CYP11A1: variants seen among roughly 807,000 people sequenced by gnomAD.
CYP11A1 encodes the protein cholesterol side-chain cleavage enzyme, mitochondrial.
CYP11A1 carries 25 observed loss-of-function variants against 51.9 expected under a neutral mutation model. The observed-to-expected ratio is 0.48, with a 90% confidence interval of 0.35 to 0.67. The LOEUF is 0.67. Ranked by LOEUF, CYP11A1 falls within the 30% of genes least tolerant of loss-of-function variation. The pLI is 0.00. For missense variants in CYP11A1, 578 were observed against 680.9 expected, an observed-to-expected ratio of 0.85 and a Z score of 1.68; for synonymous variants, 245 against 262.1, an observed-to-expected ratio of 0.93 and a Z score of 0.63.
At chr15:74,342,067 C>T (rs1424863683) in intron 5 of CYP11A1, among the ~76,000 whole-genome samples, 1 of 152,186 alleles carries the variant, frequency 6.6e-6, no homozygotes, top group Non-Finnish European at 1.5e-5. Flanking sequence ...CTCTGAGCCA[C>T]GTGAGGACAT....
At chr15:74,365,967 G>A (rs1249581949) in intron 1 of CYP11A1, 3 of 831,424 alleles carry the variant, frequency 3.6e-6, no homozygotes, top group South Asian at 1.2e-4. Flanking sequence ...GAGTGACTGG[G>A]ACCTAGGACC....
chr15:74,367,339 G>T lies in CYP11A1; in HGVS notation c.247C>A (p.Gln83Lys). Residue 83 changes from glutamine to lysine, a missense_variant, in exon 1 of 9, where the codon CAG becomes AAG. Gln to Lys is a moderately conservative substitution (Grantham distance 53). Coordinates refer to ENST00000268053, the MANE Select transcript of CYP11A1 (RefSeq NM_000781.3). ...TACCTGTAAATCGGGCCATACTTCTGGAAATTCTGGACATGGTGAAGGTGG... is the reference window on the plus strand; with the variant it reads ...TACCTGTAAATCGGGCCATACTTCTTGAAATTCTGGACATGGTGAAGGTGG... ...KVHLHHVQNF[Q>K]KYGPIYREKL... 1.9e-6 allele frequency: 3 copies of T among 1,614,156 alleles called. No individual in the cohort carries two copies. Among genetic ancestry groups the T allele is most frequent in the Non-Finnish European group, 2.5e-6 (3 of 1,180,032 alleles).
intron 1 of CYP11A1, chr15:74,365,638 C>T: frequency 1.0e-6 from 1 of 974,516 alleles, no homozygotes; most frequent in Non-Finnish European, 1.2e-6. Context: ...GGAATACTTT[C>T]CCTTTTACCC....
chr15:74,347,166 T>C (rs1392059303), intron 2 of CYP11A1, among the ~76,000 whole-genome samples: 1 of 152,030 alleles, frequency 6.6e-6, no homozygotes, highest in Non-Finnish European at 1.5e-5. Context: ...CCTAGCACTT[T>C]GGAAGGCTGA....
At chr15:74,357,158 T>G (rs927377265) in intron 1 of CYP11A1, among the ~76,000 whole-genome samples, 1 of 152,134 alleles carries the variant, frequency 6.6e-6, no homozygotes, top group African/African-American at 2.4e-5. Flanking sequence ...CCACAACCCA[T>G]TATTCTGTTC....
At chr15:74,361,875 G>C in intron 1 of CYP11A1, 4 of 1,126,354 alleles carry the variant, frequency 3.6e-6, no homozygotes, top group Non-Finnish European at 4.1e-6. Context: ...CAATACAAAC[G>C]GTTCCCAGTT....
chr15:74,350,229 T>G, intron 1 of CYP11A1: 1 of 287,288 alleles, frequency 3.5e-6, no homozygotes, highest in Non-Finnish European at 7.4e-6. Context: ...TTTTCATTTG[T>G]GTTTCTCTGT....
At chr15:74,348,168 AG>A in intron 1 of CYP11A1, 113 bp from the exon 2 acceptor site, 3 of 1,256,710 alleles carry the variant, frequency 2.4e-6, no homozygotes, top group Non-Finnish European at 3.4e-6. Context: ...ACCTGAGTCG[AG>A]GCCCTTAACC....
chr15:74,339,460 TC>T, intron 6 of CYP11A1, 126 bp downstream of exon 6: 1 of 1,443,826 alleles, frequency 6.9e-7, no homozygotes, highest in South Asian at 1.2e-5. Context: ...TTCTTTCTCC[TC>T]CAGACTTTTC....
At position 74,343,965 on chromosome 15, in the gene CYP11A1, C is replaced by T. The variant is rs748919101; in HGVS notation, c.653G>A (p.Arg218His). The T allele has an allele frequency of 3.7e-6, 6 of 1,613,942 alleles. No individual in the cohort carries two copies. Among genetic ancestry groups the T allele is most frequent in the South Asian group, 3.3e-5 (3 of 91,072 alleles). Residue 218 changes from arginine (R) to histidine (H), a missense_variant, in exon 4 of 9, where the codon CGC (arginine) becomes CAC (histidine). Coordinates refer to ENST00000268053, the MANE Select transcript of CYP11A1 (RefSeq NM_000781.3). ...ESITNVIFGE[R>H]QGMLEEVVNP... Reference sequence around the variant, plus strand: ...CACTACTTCCTCCAGCATCCCCTGGCGCTCCCCAAAAATGACGTTAGTGAT... The same window carrying T: ...CACTACTTCCTCCAGCATCCCCTGGTGCTCCCCAAAAATGACGTTAGTGAT...
rs374187156 is a variant in CYP11A1 at position 74,366,158 on chromosome 15, T to C, written c.269+1159A>G. On this transcript the variant is annotated intron_variant, in intron 1 of 8. Coordinates refer to ENST00000268053, the MANE Select transcript of CYP11A1 (RefSeq NM_000781.3). ...CGCTAGGGCGGACCCAATTTCGGAA[T>C]AGCGCGGCCCGGGCGGCGGCGTGCG... 3 of 985,408 alleles carry C rather than the reference T, an allele frequency of 3.0e-6. No individual in the cohort carries two copies. In the East Asian group the frequency reaches 3.4e-4, roughly 112 times the overall value. 61.0% of individuals were successfully genotyped at this position (985,408 alleles called of 1,614,324 possible). A position where few individuals can be genotyped will look rare whatever the true frequency, so the allele number is the denominator to read the frequency against.
chr15:74,364,860 C>A (rs1179615165), intron 1 of CYP11A1, among the ~76,000 whole-genome samples: 1 of 152,158 alleles, frequency 6.6e-6, no homozygotes, highest in Non-Finnish European at 1.5e-5. Context: ...GGGGCGCAAC[C>A]TCCCAAGCCC....
In CYP11A1 at chr15:74,339,666, G is replaced by T; in HGVS notation, c.1078C>A (p.Arg360=). 6 of 1,614,128 alleles carry T rather than the reference G, an allele frequency of 3.7e-6. No individual in the cohort carries two copies. Among genetic ancestry groups the T allele is most frequent in the Non-Finnish European group, 5.1e-6 (6 of 1,180,004 alleles). The change falls in exon 6 of 9, where the codon CGG becomes AGG. Residue 360 remains arginine (R), a synonymous_variant. Coordinates refer to ENST00000268053, the MANE Select transcript of CYP11A1 (RefSeq NM_000781.3). ...DMLRAEVLAA[R]HQAQGDMATM... Reference sequence around the variant, plus strand: ...GCCATGTCTCCCTGGGCCTGGTGCCGCGCAGCCAAGACCTCTGCCCGCAGC... The same window carrying T: ...GCCATGTCTCCCTGGGCCTGGTGCCTCGCAGCCAAGACCTCTGCCCGCAGC...
At chr15:74,341,134 C>G (rs541833215) in intron 5 of CYP11A1, among the ~76,000 whole-genome samples, 1 of 152,210 alleles carries the variant, frequency 6.6e-6, no homozygotes, top group African/African-American at 2.4e-5. Flanking sequence ...CTTTCCTCAT[C>G]TGAAAAAGGG....
Position 74,361,908 on chromosome 15 carries a change from G to A in CYP11A1, c.269+5409C>T. ...GTTTTTCATCTGCACTGACAAGACTGAGTGGTGGATGGCAAGCATGTGGTC... is the reference window on the plus strand; with the variant it reads ...GTTTTTCATCTGCACTGACAAGACTAAGTGGTGGATGGCAAGCATGTGGTC... On this transcript the variant is annotated intron_variant, in intron 1 of 8. Transcript: ENST00000268053. 2.7e-6 allele frequency: 3 copies of A among 1,113,872 alleles called. No individual in the cohort carries two copies. In the South Asian group the frequency reaches 3.7e-5, roughly 14 times the overall value. 69.0% of individuals were successfully genotyped at this position (1,113,872 alleles called of 1,614,324 possible). A position where few individuals can be genotyped will look rare whatever the true frequency, so the allele number is the denominator to read the frequency against.
intron 5 of CYP11A1, among the ~76,000 whole-genome samples, chr15:74,340,981 C>T (rs991742403): frequency 1.3e-5 from 2 of 152,234 alleles, no homozygotes; most frequent in African/African-American, 4.8e-5. Flanking sequence ...TGTGCTCCCT[C>T]TGCAAGACTC....
rs983935770 is a variant in CYP11A1 at position 74,367,450 on chromosome 15, G to A, written c.136C>T (p.Arg46Cys). 2.5e-6 allele frequency: 4 copies of A among 1,614,240 alleles called. No homozygotes were observed. Among genetic ancestry groups the A allele is most frequent in the Non-Finnish European group, 3.4e-6 (4 of 1,180,046 alleles). Residue 46 changes from arginine to cysteine, a missense_variant, in exon 1 of 9, where the codon CGC becomes TGC. Coordinates refer to ENST00000268053, the MANE Select transcript of CYP11A1 (RefSeq NM_000781.3). The stretch of plus-strand genomic sequence containing the variant: ...GGAGAGGGGATCTCATTGAAGGGGC[G>A]AGGACTGCGGGTGGAGATGCCAGCT... Reference protein sequence around the residue: ...EGAGISTRSPRPFNEIPSPGD... With the variant: ...EGAGISTRSPCPFNEIPSPGD...
Position 74,339,629 on chromosome 15 carries a change from T to C in CYP11A1, c.1115A>G (p.Gln372Arg), listed in dbSNP as rs745719036. The C allele has an allele frequency of 1.2e-6, 2 of 1,614,156 alleles. No individual in the cohort carries two copies. Among genetic ancestry groups the C allele is most frequent in the East Asian group, 4.5e-5 (2 of 44,880 alleles). ...QAQGDMATML[Q>R]LVPLLKASIK... The stretch of plus-strand genomic sequence containing the variant: ...GCTGGCTTTGAGGAGGGGGACCAGC[T>C]GTAGCATCGTGGCCATGTCTCCCTG... The change falls in exon 6 of 9, where the codon CAG becomes CGG. Residue 372 changes from glutamine to arginine, a missense_variant. Transcript: ENST00000268053.
intron 5 of CYP11A1, among the ~76,000 whole-genome samples, chr15:74,340,705 A>G (rs41563614): frequency 0.063 from 9,631 of 152,154 alleles, 618 homozygotes; most frequent in African/African-American, 0.16. Context: ...TCAGATGCGG[A>G]AACTGAAACA....
Sources: gnomAD v4.1 joint callset for allele counts (sites outside exome capture counted in the v4.1 genomes callset) on GRCh38, gnomAD v4.1.1 for gene constraint, MANE v1.5 for transcripts, NCBI Gene and HGNC (gene_info 2026-07-23, HGNC 2026-07-21) for gene names.